Variants in TEAD4 observed in about 807,000 individuals in gnomAD.
The protein encoded by TEAD4 is transcriptional enhancer factor TEF-3.
A neutral mutation model predicts 52.4 loss-of-function variants in TEAD4; 36 were observed. The observed-to-expected ratio is 0.69, with a 90% CI of 0.53 to 0.91. TEAD4 has a LOEUF of 0.91. TEAD4 is among the 40% of genes least tolerant of loss of function. TEAD4 has a pLI of 0.00. For missense variants in TEAD4, 508 were observed against 583.9 expected (o/e 0.87, Z 1.34); for synonymous variants, 220 against 231.0 (o/e 0.95, Z 0.43).
At chr12:3,017,306 G>C (rs531614103) in intron 5 of TEAD4, 92 bp from the exon 6 acceptor site, 1 of 1,563,790 alleles carries the variant, frequency 6.4e-7, no homozygotes, top group Non-Finnish European at 8.7e-7. Flanking sequence ...CACTGGCAGC[G>C]AGACAGCTTC....
intron 2 of TEAD4, among the ~76,000 whole-genome samples, chr12:2,991,029 A>C (rs377010458): frequency 6.6e-6 from 1 of 152,002 alleles, no homozygotes; most frequent in Non-Finnish European, 1.5e-5. Flanking sequence ...TAAATACATA[A>C]TCTCTACAGT....
intron 3 of TEAD4, among the ~76,000 whole-genome samples, chr12:3,008,035 G>C (rs918904547): frequency 1.3e-5 from 2 of 152,140 alleles, no homozygotes; most frequent in Non-Finnish European, 2.9e-5. Context: ...TTTTCTAGGT[G>C]GTGGGTATAA....
chr12:3,005,406 G>C (rs2098255038), intron 3 of TEAD4, among the ~76,000 whole-genome samples: 1 of 152,200 alleles, frequency 6.6e-6, no homozygotes, highest in African/African-American at 2.4e-5. Flanking sequence ...TGACCCTCCT[G>C]CCTCAGCTTC....
chr12:2,976,341 A>T (rs2098229652), intron 2 of TEAD4, among the ~76,000 whole-genome samples: 2 of 93,588 alleles, frequency 2.1e-5, no homozygotes, highest in Admixed American at 2.1e-4. Flanking sequence ...TTTTCTGAAT[A>T]GTATTACACC....
At chr12:3,002,305 T>C (rs2098252361) in intron 3 of TEAD4, among the ~76,000 whole-genome samples, 1 of 152,228 alleles carries the variant, frequency 6.6e-6, no homozygotes. Context: ...TTTTGACTAC[T>C]ATGACTAATA....
At chr12:2,989,183 TC>T (rs2098241110) in intron 2 of TEAD4, among the ~76,000 whole-genome samples, 1 of 152,052 alleles carries the variant, frequency 6.6e-6, no homozygotes, top group African/African-American at 2.4e-5. Context: ...CAAGCAACCC[TC>T]CTGCCTCTCG....
At chr12:2,996,877 G>T (rs376840776) in intron 3 of TEAD4, among the ~76,000 whole-genome samples, 1 of 151,980 alleles carries the variant, frequency 6.6e-6, no homozygotes. Context: ...CACCACGCTC[G>T]GCTGATTTTA....
At position 3,017,489 on chromosome 12, in the gene TEAD4, CCCTCGCCCGGG is replaced by C; in HGVS notation, c.447_457del (p.Leu150ProfsTer23). ...GCCACGGCCTTCCACAGTAGCATGG[CCCTCGCCCGGG>C]GCCCCGGCCGCCCAGCAGTCTCAGG... On this transcript the variant is annotated frameshift_variant, in exon 6 of 13. Coordinates refer to ENST00000359864, the MANE Select transcript of TEAD4 (RefSeq NM_003213.4). LOFTEE classifies it high-confidence loss of function. 6.2e-7 allele frequency: 1 copy of C among 1,614,150 alleles called. No individual in the cohort carries two copies. Among genetic ancestry groups the C allele is most frequent in the Non-Finnish European group, 8.5e-7 (1 of 1,180,036 alleles).
chr12:2,978,994 C>T (rs916683938), intron 2 of TEAD4, among the ~76,000 whole-genome samples: 2 of 152,162 alleles, frequency 1.3e-5, no homozygotes, highest in African/African-American at 4.8e-5. Flanking sequence ...CAGCTCACTG[C>T]AACCTCCGCC....
In TEAD4 at chr12:2,959,609, T is replaced by G. The variant is rs1210399148; in HGVS notation, c.-123+128T>G. On this transcript the variant is annotated intron_variant, in intron 1 of 12. Transcript: ENST00000359864. This position sits in a 1 kb window ranked among gnomAD's most constrained non-coding sequence, Gnocchi z 5.1. The stretch of plus-strand genomic sequence containing the variant: ...TCTTTCCGCCGCCCGCGTTCCCGCC[T>G]TGGACCTCTGCGCTCCGACGCGCTC... The G allele has an allele frequency of 6.6e-6, 1 of 150,850 alleles. No homozygotes were observed. Among genetic ancestry groups the G allele is most frequent in the Non-Finnish European group, 1.5e-5 (1 of 67,640 alleles). The allele number at this position is 150,850 out of a possible 1,614,324, so 9.3% of individuals were successfully genotyped here.
chr12:2,981,568 C>T (rs1176941508), intron 2 of TEAD4, among the ~76,000 whole-genome samples: 1 of 152,218 alleles, frequency 6.6e-6, no homozygotes, highest in African/African-American at 2.4e-5. Flanking sequence ...TACCTGTTTG[C>T]ATGTCTGTCT....
At chr12:2,985,431 C>T (rs60885272) in intron 2 of TEAD4, among the ~76,000 whole-genome samples, 13,224 of 150,942 alleles carry the variant, frequency 0.088, 1,201 homozygotes, top group African/African-American at 0.21. Context: ...GCAAACACAT[C>T]GTACAGCTGT....
intron 3 of TEAD4, among the ~76,000 whole-genome samples, chr12:3,009,059 G>A (rs2098258134): frequency 1.3e-5 from 2 of 152,216 alleles, no homozygotes; most frequent in Admixed American, 6.5e-5. Flanking sequence ...CTGAGCCAGC[G>A]TTGAGGTCTG....
At chr12:2,967,131 C>T (rs1206668637) in intron 2 of TEAD4, among the ~76,000 whole-genome samples, 1 of 152,082 alleles carries the variant, frequency 6.6e-6, no homozygotes, top group East Asian at 1.9e-4. Flanking sequence ...AAATATTTCT[C>T]TCTTAAAATT....
intron 2 of TEAD4, among the ~76,000 whole-genome samples, chr12:2,980,919 G>A (rs1219812982): frequency 6.6e-6 from 1 of 152,108 alleles, no homozygotes; most frequent in Non-Finnish European, 1.5e-5. Flanking sequence ...AGTGGGGAAG[G>A]GCTTCAGAGC....
At chr12:2,975,638 T>G (rs1381809919) in intron 2 of TEAD4, among the ~76,000 whole-genome samples, 1 of 152,120 alleles carries the variant, frequency 6.6e-6, no homozygotes, top group Non-Finnish European at 1.5e-5. Flanking sequence ...TCTGCCCACC[T>G]CGGCCTCCCA....
At chr12:3,039,331 G>A (rs908079466) in intron 11 of TEAD4, among the ~76,000 whole-genome samples, 2 of 152,220 alleles carry the variant, frequency 1.3e-5, no homozygotes, top group African/African-American at 2.4e-5. Context: ...ATAATCCCAT[G>A]TGCGCTTTAC....
At chr12:3,037,259 A>C (rs1422540748) in intron 10 of TEAD4, among the ~76,000 whole-genome samples, 1 of 152,134 alleles carries the variant, frequency 6.6e-6, no homozygotes, top group Non-Finnish European at 1.5e-5. Context: ...AAGTGACTTG[A>C]CTTCTGAAGA....
intron 10 of TEAD4, among the ~76,000 whole-genome samples, chr12:3,026,293 A>G (rs1366576059): frequency 6.6e-6 from 1 of 151,972 alleles, no homozygotes; most frequent in Non-Finnish European, 1.5e-5. Context: ...TTGTATTCTG[A>G]CTCTTTTCTG....
Sources: gnomAD v4.1 joint callset for allele counts (sites outside exome capture counted in the v4.1 genomes callset) on GRCh38, gnomAD v4.1.1 for gene constraint, Gnocchi (gnomAD v3.1) non-coding constraint, MANE v1.5 for transcripts, NCBI Gene and HGNC (gene_info 2026-07-23, HGNC 2026-07-21) for gene names.